Variants in RNF216 observed in about 807,000 individuals in gnomAD.
RNF216 encodes the protein E3 ubiquitin-protein ligase RNF216.
In RNF216, 72 loss-of-function variants were observed where a neutral mutation model predicts 110.8. That is an observed-to-expected ratio of 0.65 (90% CI 0.54 to 0.79). The LOEUF (loss-of-function observed/expected upper bound fraction) is 0.79, where lower values mean the gene tolerates loss of function less well. Among genes scored for constraint, RNF216 ranks in the 30% least tolerant of loss-of-function variants. The pLI, the probability that RNF216 is intolerant of heterozygous loss-of-function variation, is 0.00. For missense variants in RNF216, 1,342 were observed against 1,141.2 expected, an observed-to-expected ratio of 1.18 and a Z score of -2.54; for synonymous variants, 495 against 407.5, an observed-to-expected ratio of 1.21 and a Z score of -2.59.
chr7:5,761,965 T>C (rs1348162288), intron 1 of RNF216, among the ~76,000 whole-genome samples: 1 of 152,148 alleles, frequency 6.6e-6, no homozygotes, highest in African/African-American at 2.4e-5. Context: ...GACTTAGCAA[T>C]TCCACTTCCA....
intron 13 of RNF216, among the ~76,000 whole-genome samples, chr7:5,679,450 A>G (rs1790514436): frequency 6.6e-6 from 1 of 152,268 alleles, no homozygotes; most frequent in South Asian, 2.1e-4. Flanking sequence ...TGGTGCACAC[A>G]CACCGTAACA....
intron 2 of RNF216, among the ~76,000 whole-genome samples, chr7:5,758,807 G>C (rs1584589028): frequency 6.6e-6 from 1 of 152,178 alleles, no homozygotes; most frequent in Middle Eastern, 3.2e-3. Context: ...ACTTGTCACA[G>C]ATAAGACTGG....
intron 1 of RNF216, chr7:5,766,820 A>T (rs1391584061): frequency 6.6e-6 from 1 of 152,220 alleles, no homozygotes; most frequent in East Asian, 1.9e-4. Context: ...ACTTTTTAAA[A>T]ATGTTTAAAA....
At chr7:5,647,930 T>C (rs1788150290) in intron 14 of RNF216, among the ~76,000 whole-genome samples, 1 of 152,224 alleles carries the variant, frequency 6.6e-6, no homozygotes, top group Admixed American at 6.5e-5. Flanking sequence ...ACTTGCCCTG[T>C]AGCCACCAAA....
chr7:5,620,969 G>T lies in RNF216; in HGVS notation c.*1891C>A, dbSNP rs983507970. ...TACCGAAGACAATCCTGTTGCTGCC[G>T]CATGGAGCCTGCCTTTCCAAGGCAC... is the stretch of plus-strand genomic sequence containing the variant. On this transcript the variant is annotated 3_prime_UTR_variant, in exon 17 of 17. Coordinates refer to ENST00000389902, the MANE Select transcript of RNF216 (RefSeq NM_207111.4). 1 of 152,176 alleles carries T rather than the reference G, an allele frequency of 6.6e-6. No individual in the cohort carries two copies. The highest frequency in any genetic ancestry group is 1.5e-5 in the Non-Finnish European group (1 of 68,042). 9.4% of individuals were successfully genotyped at this position (152,176 alleles called of 1,614,324 possible).
intron 6 of RNF216, among the ~76,000 whole-genome samples, 190 bp from the exon 7 acceptor site, chr7:5,729,786 C>T (rs1228484389): frequency 2.0e-5 from 3 of 152,100 alleles, no homozygotes; most frequent in South Asian, 2.1e-4. Context: ...TGTCTGGAGC[C>T]GACAGACTAG....
intron 13 of RNF216, among the ~76,000 whole-genome samples, chr7:5,654,748 G>A (rs1033163889): frequency 2.9e-4 from 42 of 147,098 alleles, no homozygotes; most frequent in Admixed American, 6.1e-4. Flanking sequence ...GTGGGGCAGA[G>A]AGGAGCTGAC....
At chr7:5,683,589 G>A (rs988356797) in intron 13 of RNF216, among the ~76,000 whole-genome samples, 1 of 152,142 alleles carries the variant, frequency 6.6e-6, no homozygotes, top group Non-Finnish European at 1.5e-5. Flanking sequence ...TTTTGTGATG[G>A]GAGAGAGGTG....
At chr7:5,768,344 A>AACAC (rs1225522361) in intron 1 of RNF216, among the ~76,000 whole-genome samples, 1 of 14,168 alleles carries the variant, frequency 7.1e-5, no homozygotes, top group African/African-American at 2.0e-4. Flanking sequence ...GAGGCAGGCA[A>AACAC]ATACACACAC....
intron 13 of RNF216, among the ~76,000 whole-genome samples, chr7:5,668,949 C>T (rs78032417): frequency 0.015 from 2,332 of 152,320 alleles, 55 homozygotes; most frequent in African/African-American, 0.053. Flanking sequence ...CTCATCCCCA[C>T]AGGGCTCTTA....
chr7:5,678,512 G>C (rs1285092439), intron 13 of RNF216, among the ~76,000 whole-genome samples: 1 of 152,156 alleles, frequency 6.6e-6, no homozygotes, highest in African/African-American at 2.4e-5. Context: ...AATGGCTCTG[G>C]GCCCGCCTGA....
At chr7:5,731,932 C>T (rs572255732) in intron 5 of RNF216, among the ~76,000 whole-genome samples, 135 of 152,288 alleles carry the variant, frequency 8.9e-4, no homozygotes, top group Middle Eastern at 3.4e-3. Flanking sequence ...CTGCAGCCCC[C>T]GCCGGGGACC....
intron 5 of RNF216, among the ~76,000 whole-genome samples, chr7:5,734,635 T>C (rs1252285977): frequency 7.3e-6 from 1 of 137,378 alleles, no homozygotes; most frequent in Non-Finnish European, 1.5e-5. Flanking sequence ...GTAGAGTCTG[T>C]CGTTGAAAAA....
intron 14 of RNF216, among the ~76,000 whole-genome samples, chr7:5,647,176 C>G (rs991853206): frequency 1.3e-5 from 2 of 151,222 alleles, no homozygotes; most frequent in African/African-American, 2.4e-5. Flanking sequence ...AATTCTTGCT[C>G]TGGTGGGAGA....
chr7:5,644,886 G>A (rs1348140298), intron 14 of RNF216, among the ~76,000 whole-genome samples: 1 of 147,890 alleles, frequency 6.8e-6, no homozygotes, highest in Non-Finnish European at 1.5e-5. Flanking sequence ...GTGCAGTGGT[G>A]TGATCTTGGC....
At chr7:5,642,704 C>G (rs1458136597) in intron 14 of RNF216, among the ~76,000 whole-genome samples, 2 of 152,132 alleles carry the variant, frequency 1.3e-5, no homozygotes, top group Non-Finnish European at 2.9e-5. Flanking sequence ...GTCTCAAACT[C>G]CTAACCTCAA....
intron 3 of RNF216, among the ~76,000 whole-genome samples, chr7:5,745,852 G>A (rs1020617857): frequency 2.0e-5 from 3 of 148,242 alleles, no homozygotes; most frequent in Non-Finnish European, 3.0e-5. Flanking sequence ...GCCGAGATCA[G>A]GCCACTGCAC....
At chr7:5,667,460 C>T (rs1166109617) in intron 13 of RNF216, among the ~76,000 whole-genome samples, 2 of 152,236 alleles carry the variant, frequency 1.3e-5, no homozygotes, top group Non-Finnish European at 2.9e-5. Context: ...TCTCTAGTTA[C>T]CCTGGAGGTG....
rs141250652 is a variant in RNF216, at chr7:5,622,496, G to A, written c.*364C>T. ...GGGCCCCTCCAGGGAGATGCTCTCG[G>A]CTGCCTTGCTACCCAGGGGTCGGCT... On this transcript the variant is annotated 3_prime_UTR_variant, in exon 17 of 17. Coordinates refer to ENST00000389902, the MANE Select transcript of RNF216 (RefSeq NM_207111.4). 1.5e-5 allele frequency: 3 copies of A among 200,500 alleles called. No homozygotes were observed. Among genetic ancestry groups the A allele is most frequent in the Non-Finnish European group, 3.0e-5 (3 of 99,794 alleles). The allele number at this position is 200,500 out of a possible 1,614,324, so 12.4% of individuals were successfully genotyped here.
Sources: allele counts gnomAD v4.1 joint callset (sites outside exome capture counted in the v4.1 genomes callset), GRCh38; gene constraint gnomAD v4.1.1; transcripts MANE v1.5; gene names NCBI Gene and HGNC (gene_info 2026-07-23, HGNC 2026-07-21).